ADGRV1: variants seen among roughly 807,000 people sequenced by gnomAD.
ADGRV1 encodes adhesion G protein-coupled receptor V1, also known as G-protein coupled receptor 98.
In ADGRV1, 359 loss-of-function variants were observed where a neutral mutation model predicts 596.2. The ratio of observed to expected loss-of-function variants is 0.60; its 90% CI spans 0.55 to 0.66. ADGRV1 has a LOEUF of 0.66. Among genes scored for constraint, ADGRV1 ranks in the 30% least tolerant of loss-of-function variants. The pLI is 0.00. For missense variants in ADGRV1, 7,274 were observed against 7,575.6 expected (o/e 0.96, Z 1.48); for synonymous variants, 2,681 against 2,679.2 (o/e 1.00, Z -0.02).
At chr5:90,734,374 A>G (rs1752944632) in intron 50 of ADGRV1, among the ~76,000 whole-genome samples, 1 of 152,104 alleles carries the variant, frequency 6.6e-6, no homozygotes, top group African/African-American at 2.4e-5. Flanking sequence ...TTACGTTTCT[A>G]CCAACAGTGC....
chr5:90,719,563 CATCAGT>C (rs1464376668), intron 43 of ADGRV1, among the ~76,000 whole-genome samples: 1 of 152,048 alleles, frequency 6.6e-6, no homozygotes. Flanking sequence ...TGGTTGCATG[CATCAGT>C]AGTTGGACAT....
chr5:90,614,627 A>C, intron 1 of ADGRV1: 2 of 601,976 alleles, frequency 3.3e-6, no homozygotes, highest in South Asian at 3.3e-5. Flanking sequence ...ACTTCTGAAT[A>C]GTAGAAAGAG....
At chr5:90,596,292 C>T (rs956988164) in intron 1 of ADGRV1, among the ~76,000 whole-genome samples, 6 of 151,534 alleles carry the variant, frequency 4.0e-5, no homozygotes, top group Admixed American at 6.6e-5. Context: ...CAGAGACGCT[C>T]CTCACTTTCC....
At chr5:90,927,036 G>A (rs1774556647) in intron 83 of ADGRV1, among the ~76,000 whole-genome samples, 1 of 148,340 alleles carries the variant, frequency 6.7e-6, no homozygotes, top group African/African-American at 2.5e-5. Flanking sequence ...CATTTGCTGA[G>A]GAGAGCTTTA....
chr5:90,603,749 G>C (rs911857904), intron 1 of ADGRV1, among the ~76,000 whole-genome samples: 1 of 151,724 alleles, frequency 6.6e-6, no homozygotes, highest in African/African-American at 2.4e-5. Flanking sequence ...GCAGTGTCCA[G>C]CTAAAGGTTT....
intron 11 of ADGRV1, among the ~76,000 whole-genome samples, chr5:90,641,269 A>G (rs1464532217): frequency 1.3e-5 from 2 of 152,204 alleles, no homozygotes; most frequent in African/African-American, 4.8e-5. Flanking sequence ...AGAATTAGCA[A>G]TCAATTATCT....
intron 50 of ADGRV1, among the ~76,000 whole-genome samples, chr5:90,741,358 T>C (rs1287717726): frequency 4.0e-5 from 5 of 125,016 alleles, no homozygotes; most frequent in Non-Finnish European, 6.5e-5. Flanking sequence ...TATCCTAAGA[T>C]ATACAACTTG....
chr5:90,697,707 CT>C (rs1196277686), intron 34 of ADGRV1, among the ~76,000 whole-genome samples: 1 of 151,816 alleles, frequency 6.6e-6, no homozygotes, highest in African/African-American at 2.4e-5. Flanking sequence ...TGAATTCTTA[CT>C]TAATATTTTA....
intron 72 of ADGRV1, among the ~76,000 whole-genome samples, chr5:90,806,222 A>C (rs963076029): frequency 3.9e-5 from 6 of 152,206 alleles, no homozygotes; most frequent in African/African-American, 1.4e-4. Context: ...GCCAGTGAAA[A>C]TGACAACATT....
intron 84 of ADGRV1, among the ~76,000 whole-genome samples, chr5:90,976,322 G>GTATATATATATATATATATATA (rs70973719): frequency 2.8e-5 from 3 of 108,618 alleles, no homozygotes; most frequent in African/African-American, 1.1e-4. Context: ...GTGTGTGTGT[G>GTATATATATATATATATATATA]TATATATATA....
intron 2 of ADGRV1, 96 bp downstream of exon 2, chr5:90,615,115 C>T (rs1488766856): frequency 4.1e-6 from 3 of 726,816 alleles, no homozygotes; most frequent in Non-Finnish European, 6.5e-6. Context: ...AGATTTTGAG[C>T]AGTTTCATTA....
intron 10 of ADGRV1, among the ~76,000 whole-genome samples, chr5:90,635,604 T>TC (rs1554066982): frequency 7.9e-5 from 12 of 151,700 alleles, no homozygotes; most frequent in South Asian, 4.2e-4. Flanking sequence ...TTTTTTTTTT[T>TC]TTCTTTGAGA....
intron 25 of ADGRV1, among the ~76,000 whole-genome samples, chr5:90,677,602 T>C (rs115762766): frequency 0.011 from 1,600 of 152,352 alleles, 29 homozygotes; most frequent in African/African-American, 0.037. Context: ...TTAATAATTG[T>C]ACATGAAATG....
rs145209242 is a variant in ADGRV1, at chr5:90,778,926, C to T, written c.12911C>T (p.Thr4304Met). Reference protein sequence around the residue: ...DFGHVRLWYKTMSGTAEAGLD... With the variant: ...DFGHVRLWYKMMSGTAEAGLD... ...GGCCATGTGCGACTCTGGTACAAGACGATGAGCGGGACAGCGGAAGCAGGC... is the reference window on the plus strand; with the variant it reads ...GGCCATGTGCGACTCTGGTACAAGATGATGAGCGGGACAGCGGAAGCAGGC... The change falls in exon 64 of 90, where the codon ACG (threonine) becomes ATG (methionine). Residue 4304 changes from threonine to methionine, a missense_variant. Around this residue, in one of 5 missense-constraint regions of ADGRV1, gnomAD observed 3,643 missense variants for 3,809.2 expected, o/e 0.96. Transcript: ENST00000405460. The T allele has an allele frequency of 1.6e-5, 26 of 1,613,440 alleles. No individual in the cohort carries two copies. Among genetic ancestry groups the T allele is most frequent in the Admixed American group, 5.0e-5 (3 of 59,978 alleles).
chr5:91,056,070 A>G (rs1033035201), intron 85 of ADGRV1, among the ~76,000 whole-genome samples: 2 of 152,110 alleles, frequency 1.3e-5, no homozygotes, highest in Non-Finnish European at 2.9e-5. Flanking sequence ...GGTTGGCGAG[A>G]GGTTAGGCGA....
Position 90,694,084 on chromosome 5 carries a change from G to A in ADGRV1, c.7328G>A (p.Cys2443Tyr). ...GEPLYTCATL[C>Y]LKEQACSAFS... Reference sequence around the variant, plus strand: ...CCCCTGTATACCTGTGCCACTTTGTGCCTTAAGGAACAAGCTTGCTCAGCG... The same window carrying A: ...CCCCTGTATACCTGTGCCACTTTGTACCTTAAGGAACAAGCTTGCTCAGCG... Residue 2443 changes from cysteine to tyrosine, a missense_variant, in exon 33 of 90, where the codon TGC (cysteine) becomes TAC (tyrosine). By Grantham distance (194) the Cys-to-Tyr change is radical (BLOSUM62 -2). Coordinates refer to ENST00000405460, the MANE Select transcript of ADGRV1 (RefSeq NM_032119.4). 1 of 1,613,806 alleles carries A rather than the reference G, an allele frequency of 6.2e-7. No individual in the cohort carries two copies. The highest frequency in any genetic ancestry group is 1.3e-5 in the African/African-American group (1 of 75,036).
intron 33 of ADGRV1, among the ~76,000 whole-genome samples, chr5:90,696,517 T>A (rs1401908091): frequency 6.6e-6 from 1 of 152,126 alleles, no homozygotes; most frequent in Non-Finnish European, 1.5e-5. Flanking sequence ...TGTGTTGATA[T>A]CTGATTAAAA....
At chr5:90,721,703 C>T (rs1050948528) in intron 45 of ADGRV1, among the ~76,000 whole-genome samples, 1 of 151,986 alleles carries the variant, frequency 6.6e-6, no homozygotes, top group African/African-American at 2.4e-5. Flanking sequence ...ATACTTTAAA[C>T]TTTAGTAAGT....
At chr5:91,011,122 A>G (rs16869341) in intron 85 of ADGRV1, among the ~76,000 whole-genome samples, 29,484 of 151,768 alleles carry the variant, frequency 0.19, 3,230 homozygotes, top group East Asian at 0.32. Context: ...TCTGCTTTAG[A>G]TTTGTATGAT....
Sources: gnomAD v4.1 joint callset for allele counts (sites outside exome capture counted in the v4.1 genomes callset) on GRCh38, gnomAD v4.1.1 for gene constraint, gnomAD v4.1.1 regional missense constraint, MANE v1.5 for transcripts, NCBI Gene and HGNC (gene_info 2026-07-23, HGNC 2026-07-21) for gene names.